The following CALCOCO1 variants were observed in gnomAD, a reference collection of about 807,000 sequenced individuals.
CALCOCO1 encodes calcium binding and coiled-coil domain 1, also known as calcium-binding and coiled-coil domain-containing protein 1.
In CALCOCO1, 44 loss-of-function variants were observed where a neutral mutation model predicts 86.3. The observed-to-expected ratio is 0.51, with a 90% CI of 0.40 to 0.66. The LOEUF (loss-of-function observed/expected upper bound fraction) is 0.66, where lower values mean the gene tolerates loss of function less well. Among genes scored for constraint, CALCOCO1 ranks in the 30% least tolerant of loss-of-function variants. CALCOCO1 has a pLI of 0.00. For synonymous variants in CALCOCO1, 297 were observed against 327.6 expected (o/e 0.91, Z 1.01); for missense variants, 708 against 851.1 (o/e 0.83, Z 2.09).
Position 53,713,777 on chromosome 12 carries a change from G to T in CALCOCO1, c.1715C>A (p.Pro572His). 6.2e-7 allele frequency: 1 copy of T among 1,606,924 alleles called. No homozygotes were observed. Among genetic ancestry groups the T allele is most frequent in the Non-Finnish European group, 8.5e-7 (1 of 1,176,532 alleles). ...AGCCGGCTGGCTGATGACAACAAGG[G>T]GAGAAGCCTCTCGAGGCCCAGCAGG... ...SSPAGPREAS[P>H]LVVISQPAPI... The change falls in exon 13 of 15, where the codon CCC (proline) becomes CAC (histidine). Residue 572 changes from proline to histidine, a missense_variant. Transcript: ENST00000550804.
chr12:53,713,930 A>G (rs768827158), intron 12 of CALCOCO1, 30 bp from the exon 13 acceptor site: 17 of 1,519,292 alleles, frequency 1.1e-5, no homozygotes, highest in Non-Finnish European at 1.4e-5. Flanking sequence ...CAGAGAAGAA[A>G]AAAGGATGTG....
intron 4 of CALCOCO1, among the ~76,000 whole-genome samples, chr12:53,723,099 T>G (rs1477241929): frequency 6.6e-6 from 1 of 152,096 alleles, no homozygotes; most frequent in African/African-American, 2.4e-5. Context: ...AAATCTGGAG[T>G]ATATTTTACC....
rs376685260 is a variant in CALCOCO1 at position 53,712,036 on chromosome 12, G to T, written c.1984C>A (p.Arg662Ser). 21 of 1,612,090 alleles carry T rather than the reference G, an allele frequency of 1.3e-5. No individual in the cohort carries two copies. In the South Asian group the frequency reaches 2.0e-4, roughly 15 times the overall value. ...TCCTTGTCACTCTCAGCAGGAAAGC[G>T]CTCCTTACAGATAGGACACTCCTTC... Reference protein sequence around the residue: ...TWKECPICKERFPAESDKDAL... With the variant: ...TWKECPICKESFPAESDKDAL... Residue 662 changes from arginine (R) to serine (S), a missense_variant, in exon 15 of 15, where the codon CGC (arginine) becomes AGC (serine). By Grantham distance (110) the Arg-to-Ser change is moderately radical. Transcript: ENST00000550804.
At chr12:53,725,609 C>T (rs2120663151) in intron 1 of CALCOCO1, 1 of 162,700 alleles carries the variant, frequency 6.1e-6, no homozygotes, top group East Asian at 1.7e-4. Context: ...ATTTCTCCAT[C>T]CCATCTCCCA....
intron 1 of CALCOCO1, among the ~76,000 whole-genome samples, chr12:53,726,605 AG>A (rs1259435496): frequency 6.6e-6 from 1 of 152,210 alleles, no homozygotes; most frequent in East Asian, 1.9e-4. Context: ...GCTGAAGTCC[AG>A]GGGACAGGAA....
At chr12:53,724,952 G>A in intron 2 of CALCOCO1, 135 bp downstream of exon 2, 1 of 1,024,804 alleles carries the variant, frequency 9.8e-7, no homozygotes, top group Non-Finnish European at 1.4e-6. Flanking sequence ...TATACAGGCG[G>A]CCTCTGTCAT....
chr12:53,723,884 C>T (rs1945947309), intron 3 of CALCOCO1, 101 bp from the exon 4 acceptor site: 1 of 975,406 alleles, frequency 1.0e-6, no homozygotes, highest in Non-Finnish European at 1.5e-6. Flanking sequence ...TTCTCCACCT[C>T]CCACAGGCCA....
At chr12:53,712,990 G>T in intron 14 of CALCOCO1, 110 bp downstream of exon 14, 2 of 1,285,242 alleles carry the variant, frequency 1.6e-6, no homozygotes, top group Non-Finnish European at 2.2e-6. Flanking sequence ...TTTCTTGGCT[G>T]AGGCCAAGAA....
At chr12:53,726,894 A>T (rs989931735) in intron 1 of CALCOCO1, among the ~76,000 whole-genome samples, 1 of 152,240 alleles carries the variant, frequency 6.6e-6, no homozygotes, top group East Asian at 1.9e-4. Flanking sequence ...TGTCCGAAAG[A>T]AAGTTTTGGG....
At chr12:53,713,018 A>C in intron 14 of CALCOCO1, 82 bp downstream of exon 14, 1 of 1,362,870 alleles carries the variant, frequency 7.3e-7, no homozygotes, top group Non-Finnish European at 1.0e-6. Flanking sequence ...GGTTGGGAGC[A>C]GGGCCTGGTG....
chr12:53,723,721 G>A lies in CALCOCO1; in HGVS notation c.322C>T (p.Gln108Ter). The change falls in exon 4 of 15, where the codon CAG becomes TAG. Residue 108 changes from glutamine (Q) to a stop codon, truncating the protein, a stop_gained. Transcript: ENST00000550804. LOFTEE classifies it high-confidence loss of function. ...YQFRYVNRQG[Q>*]VCGQSPPFQF... ...AAAGGGGGGCTCTGCCCACACACCT[G>A]GCCCTGGCGGTTCACATATCGGAAC... The A allele has an allele frequency of 1.9e-6, 3 of 1,614,222 alleles. No individual in the cohort carries two copies. The South Asian group carries it at 3.3e-5, about 18-fold the overall frequency.
At chr12:53,726,613 G>A (rs1946040779) in intron 1 of CALCOCO1, among the ~76,000 whole-genome samples, 2 of 152,142 alleles carry the variant, frequency 1.3e-5, no homozygotes, top group East Asian at 3.8e-4. Flanking sequence ...CCAGGGGACA[G>A]GAACTTTAAA....
intron 10 of CALCOCO1, 91 bp downstream of exon 10, chr12:53,715,109 G>A: frequency 6.9e-7 from 1 of 1,457,162 alleles, no homozygotes; most frequent in Non-Finnish European, 9.3e-7. Context: ...TGGACACCTA[G>A]CACTTCTGAG....
At chr12:53,726,105 G>C in intron 1 of CALCOCO1, 1 of 152,236 alleles carries the variant, frequency 6.6e-6, no homozygotes, top group East Asian at 1.9e-4. Context: ...CCCAGGGCAG[G>C]GAACAGACTA....
intron 6 of CALCOCO1, among the ~76,000 whole-genome samples, chr12:53,720,485 G>A (rs1945839076): frequency 6.6e-6 from 1 of 152,210 alleles, no homozygotes; most frequent in Non-Finnish European, 1.5e-5. Flanking sequence ...GGCCATAGTT[G>A]TTGACCTCTG....
At chr12:53,722,433 T>G (rs4759052) in intron 4 of CALCOCO1, among the ~76,000 whole-genome samples, 2 of 152,024 alleles carry the variant, frequency 1.3e-5, no homozygotes, top group African/African-American at 4.8e-5. Flanking sequence ...CCTTTCCTCA[T>G]CCAGCAATTG....
chr12:53,712,213 G>A, intron 14 of CALCOCO1, 92 bp from the exon 15 acceptor site: 1 of 1,162,128 alleles, frequency 8.6e-7, no homozygotes, highest in Non-Finnish European at 1.2e-6. Context: ...ATGTGCCTGG[G>A]TTCCCAGGTT....
intron 3 of CALCOCO1, chr12:53,724,223 T>C: frequency 2.3e-6 from 1 of 429,408 alleles, no homozygotes; most frequent in Non-Finnish European, 4.5e-6. Flanking sequence ...ATCCTCGTAA[T>C]GTCCCTATAA....
At chr12:53,712,198 G>T in intron 14 of CALCOCO1, 77 bp from the exon 15 acceptor site, 1 of 1,340,270 alleles carries the variant, frequency 7.5e-7, no homozygotes, top group Non-Finnish European at 1.0e-6. Context: ...CGGAGAGCAG[G>T]ACCCATGTGC....
Sources: gnomAD v4.1 joint callset for allele counts (sites outside exome capture counted in the v4.1 genomes callset) on GRCh38, gnomAD v4.1.1 for gene constraint, MANE v1.5 for transcripts, NCBI Gene and HGNC (gene_info 2026-07-23, HGNC 2026-07-21) for gene names.